The following ZMPSTE24 variants were observed in gnomAD, a reference collection of about 807,000 sequenced individuals.
ZMPSTE24 encodes the protein zinc metallopeptidase STE24, also known as CAAX prenyl protease 1 homolog.
In ZMPSTE24, 48 loss-of-function variants were observed where a neutral mutation model predicts 56.7. That is an observed-to-expected ratio of 0.85 (90% confidence interval 0.67 to 1.08). The LOEUF (loss-of-function observed/expected upper bound fraction) is 1.08. Ranked by LOEUF, ZMPSTE24 falls within the 50% of genes least tolerant of loss-of-function variation. ZMPSTE24 has a pLI of 0.00. For missense variants in ZMPSTE24, 503 were observed against 548.7 expected, an observed-to-expected ratio of 0.92 and a Z score of 0.83; for synonymous variants, 172 against 195.2, an observed-to-expected ratio of 0.88 and a Z score of 0.99.
At chr1:40,284,082 T>G (rs1643758493) in intron 7 of ZMPSTE24, among the ~76,000 whole-genome samples, 1 of 149,712 alleles carries the variant, frequency 6.7e-6, no homozygotes, top group Admixed American at 6.7e-5. Context: ...ATTACAGGTG[T>G]GCACCAGCAT....
At chr1:40,264,085 A>C (rs889900056) in intron 2 of ZMPSTE24, among the ~76,000 whole-genome samples, 7 of 152,328 alleles carry the variant, frequency 4.6e-5, no homozygotes, top group African/African-American at 1.7e-4. Flanking sequence ...TATTCCCAGC[A>C]CTTTGAGAGG....
intron 7 of ZMPSTE24, among the ~76,000 whole-genome samples, chr1:40,284,786 A>G (rs1643768134): frequency 6.6e-6 from 1 of 152,132 alleles, no homozygotes; most frequent in South Asian, 2.1e-4. Flanking sequence ...TAACATTTGT[A>G]TATACTTTCA....
intron 2 of ZMPSTE24, among the ~76,000 whole-genome samples, chr1:40,261,656 A>G (rs1270255649): frequency 6.6e-6 from 1 of 152,146 alleles, no homozygotes; most frequent in Non-Finnish European, 1.5e-5. Context: ...ATCAGCATAT[A>G]GTTCCTATTT....
chr1:40,271,763 C>A, intron 5 of ZMPSTE24, 131 bp from the exon 6 acceptor site: 2 of 963,240 alleles, frequency 2.1e-6, no homozygotes, highest in Non-Finnish European at 3.0e-6. Context: ...CTGGGAATAC[C>A]AGAGCAAGTA....
chr1:40,275,092 CTG>C (rs908595758), intron 6 of ZMPSTE24, among the ~76,000 whole-genome samples: 5 of 152,052 alleles, frequency 3.3e-5, no homozygotes, highest in African/African-American at 9.7e-5. Flanking sequence ...TAGAAACCAA[CTG>C]TGGCTGATTT....
chr1:40,290,334 G>A (rs527798242), intron 8 of ZMPSTE24, among the ~76,000 whole-genome samples: 23 of 151,174 alleles, frequency 1.5e-4, no homozygotes, highest in African/African-American at 4.4e-4. Context: ...GCAGTGAGCC[G>A]AGATCGTGCC....
At chr1:40,278,839 G>C (rs1000873666) in intron 6 of ZMPSTE24, among the ~76,000 whole-genome samples, 1 of 152,156 alleles carries the variant, frequency 6.6e-6, no homozygotes, top group African/African-American at 2.4e-5. Flanking sequence ...TTCAGGTACT[G>C]TTAGCTGCTA....
At chr1:40,284,794 TCA>T (rs944601374) in intron 7 of ZMPSTE24, among the ~76,000 whole-genome samples, 2 of 152,192 alleles carry the variant, frequency 1.3e-5, no homozygotes, top group Non-Finnish European at 2.9e-5. Context: ...GTATATACTT[TCA>T]GTCTACTTTT....
intron 2 of ZMPSTE24, among the ~76,000 whole-genome samples, chr1:40,265,151 C>G (rs543043615): frequency 6.6e-6 from 1 of 152,226 alleles, no homozygotes; most frequent in East Asian, 1.9e-4. Context: ...TAAAACTACC[C>G]TTGATGCTTA....
At chr1:40,283,769 C>T (rs1643754725) in intron 7 of ZMPSTE24, among the ~76,000 whole-genome samples, 2 of 151,984 alleles carry the variant, frequency 1.3e-5, no homozygotes, top group African/African-American at 4.8e-5. Context: ...TTTTTCTCCT[C>T]TCCATTTTTT....
At chr1:40,259,673 T>C (rs959014234) in intron 1 of ZMPSTE24, 1 of 152,252 alleles carries the variant, frequency 6.6e-6, no homozygotes, top group African/African-American at 2.4e-5. Flanking sequence ...AGCATCATCA[T>C]AGCTCAAGGC....
At chr1:40,278,669 A>C (rs1643697325) in intron 6 of ZMPSTE24, among the ~76,000 whole-genome samples, 1 of 152,154 alleles carries the variant, frequency 6.6e-6, no homozygotes, top group African/African-American at 2.4e-5. Context: ...AGCTTAAAGA[A>C]ATTAAGAAAG....
At chr1:40,260,751 C>A in intron 1 of ZMPSTE24, 88 bp from the exon 2 acceptor site, 1 of 1,391,274 alleles carries the variant, frequency 7.2e-7, no homozygotes. Context: ...ATATAAGTGG[C>A]AAGCTATAAA....
In ZMPSTE24 at chr1:40,258,253, C is replaced by A. The variant is rs1643457831; in HGVS notation, c.-19C>A. Reference sequence around the variant, plus strand: ...GTGGCACCGGTGCACGCTGAAGGAGCCGGCGGAACCGGGTGGCCATGGGGA... The same window carrying A: ...GTGGCACCGGTGCACGCTGAAGGAGACGGCGGAACCGGGTGGCCATGGGGA... On this transcript the variant is annotated 5_prime_UTR_variant, in exon 1 of 10. Coordinates refer to ENST00000372759, the MANE Select transcript of ZMPSTE24 (RefSeq NM_005857.5). 6.2e-7 allele frequency: 1 copy of A among 1,612,484 alleles called. No individual in the cohort carries two copies. The highest frequency in any genetic ancestry group is 1.3e-5 in the African/African-American group (1 of 74,920).
intron 5 of ZMPSTE24, among the ~76,000 whole-genome samples, chr1:40,270,791 G>C (rs568149904): frequency 8.8e-4 from 133 of 151,586 alleles, no homozygotes; most frequent in African/African-American, 3.1e-3. Flanking sequence ...ACTCTCAAGT[G>C]CTTCACAACA....
intron 2 of ZMPSTE24, among the ~76,000 whole-genome samples, chr1:40,265,903 A>G (rs541603335): frequency 1.3e-5 from 2 of 152,284 alleles, no homozygotes; most frequent in Non-Finnish European, 2.9e-5. Context: ...AACCAATCCA[A>G]TGTACTGGTA....
rs371368891 is a variant in ZMPSTE24, at chr1:40,266,561, C to G, written c.271-1225C>G. 9.9e-5 allele frequency among the ~76,000 whole-genome samples: 15 copies of G among 152,228 alleles called. No individual in the cohort carries two copies. In the South Asian group the frequency reaches 3.1e-3, roughly 32 times the overall value. ...TCTCCTGTGAAAGCCGGGCCCCTAC[C>G]TCACCTCTTCCTGACCCAGCAAAGA... is the stretch of plus-strand genomic sequence containing the variant. On this transcript the variant is annotated intron_variant, in intron 2 of 9. Coordinates refer to ENST00000372759, the MANE Select transcript of ZMPSTE24 (RefSeq NM_005857.5).
Position 40,258,441 on chromosome 1 carries a change from T to A in ZMPSTE24, c.123+47T>A. The A allele has an allele frequency of 1.9e-6, 3 of 1,612,978 alleles. No homozygotes were observed. The Admixed American group carries it at 5.0e-5, about 27-fold the overall frequency. Reference sequence around the variant, plus strand: ...CCTGACCCCCATACCCGGCCAGCCCTGGAGTAGCCTTGGCTTCGACCCTGA... The same window carrying A: ...CCTGACCCCCATACCCGGCCAGCCCAGGAGTAGCCTTGGCTTCGACCCTGA... On this transcript the variant is annotated intron_variant, in intron 1 of 9. Coordinates refer to ENST00000372759, the MANE Select transcript of ZMPSTE24 (RefSeq NM_005857.5).
At chr1:40,288,978 C>T (rs939626647) in intron 8 of ZMPSTE24, among the ~76,000 whole-genome samples, 3 of 152,042 alleles carry the variant, frequency 2.0e-5, no homozygotes, top group African/African-American at 7.3e-5. Context: ...CCTTCCAAGA[C>T]CATCCCTGAG....
Sources: gnomAD v4.1 joint callset for allele counts (sites outside exome capture counted in the v4.1 genomes callset) on GRCh38, gnomAD v4.1.1 for gene constraint, MANE v1.5 for transcripts, NCBI Gene and HGNC (gene_info 2026-07-23, HGNC 2026-07-21) for gene names.